Variants in TBL1X observed in about 807,000 individuals in gnomAD.
TBL1X encodes F-box-like/WD repeat-containing protein TBL1X.
TBL1X carries 10 observed loss-of-function variants against 50.7 expected under a neutral mutation model. That is an observed-to-expected ratio of 0.20 (90% CI 0.12 to 0.33). The LOEUF (loss-of-function observed/expected upper bound fraction) is 0.33, where lower values mean the gene tolerates loss of function less well. Among genes scored for constraint, TBL1X ranks in the 10% least tolerant of loss-of-function variants. The pLI is 1.00. For missense variants in TBL1X, 340 were observed against 504.4 expected (o/e 0.67, Z 3.12); for synonymous variants, 190 against 214.7 (o/e 0.88, Z 1.01).
intron 2 of TBL1X, among the ~76,000 whole-genome samples, chrX:9,597,173 A>G (rs1190581744): frequency 3.6e-5 from 4 of 111,874 alleles, no homozygotes; most frequent in South Asian, 3.8e-4. Context: ...ATAAAGTTCA[A>G]CAACCACAGG....
At chrX:9,521,229 C>T (rs1391220407) in intron 2 of TBL1X, among the ~76,000 whole-genome samples, 1 of 111,469 alleles carries the variant, frequency 9.0e-6, no homozygotes, top group Admixed American at 9.5e-5. Context: ...AGGTCGTAAA[C>T]GTGGAACCTT....
chrX:9,640,652 CAG>C (rs1452533427), intron 3 of TBL1X, among the ~76,000 whole-genome samples: 5 of 110,984 alleles, frequency 4.5e-5, no homozygotes, highest in African/African-American at 1.6e-4. Context: ...TGTTTTGAGA[CAG>C]AGTCTTTGCT....
At chrX:9,619,155 G>T (rs752997134) in intron 2 of TBL1X, among the ~76,000 whole-genome samples, 2 of 112,517 alleles carry the variant, frequency 1.8e-5, no homozygotes, top group South Asian at 3.7e-4. Context: ...AAACAGATAA[G>T]CATCATACAA....
rs749126122 is a variant in TBL1X, at chrX:9,516,502, C to T, written c.-131+14653C>T. Among the ~76,000 whole-genome samples the T allele has an allele frequency of 4.5e-5, 5 of 112,272 alleles. No homozygotes were observed. The East Asian group carries it at 1.1e-3, about 25-fold the overall frequency. ...AGGCACACTGGCCAAGCATCAGCTC[C>T]TCAAGCATCCATCTCACTATTCAGG... On this transcript the variant is annotated intron_variant, in intron 2 of 17. Coordinates refer to ENST00000645353, the MANE Select transcript of TBL1X (RefSeq NM_005647.4).
intron 2 of TBL1X, among the ~76,000 whole-genome samples, chrX:9,517,131 C>A (rs1015349439): frequency 2.7e-5 from 3 of 110,966 alleles, no homozygotes; most frequent in African/African-American, 9.8e-5. Flanking sequence ...CAGATAGGGC[C>A]GGAGACAAGG....
intron 2 of TBL1X, among the ~76,000 whole-genome samples, chrX:9,579,899 G>T (rs1290834797): frequency 8.9e-6 from 1 of 111,751 alleles, no homozygotes; most frequent in African/African-American, 3.3e-5. Context: ...GAATCTTTCA[G>T]TGGGTTCATA....
chrX:9,672,716 A>G (rs1376570689), intron 5 of TBL1X, among the ~76,000 whole-genome samples: 2 of 111,212 alleles, frequency 1.8e-5, no homozygotes, highest in South Asian at 3.8e-4. Flanking sequence ...ATTGCCATCC[A>G]TACTGATATT....
intron 2 of TBL1X, among the ~76,000 whole-genome samples, chrX:9,601,858 A>G (rs951201220): frequency 1.8e-5 from 2 of 111,899 alleles, no homozygotes; most frequent in African/African-American, 6.5e-5. Context: ...CCTGGCCAAC[A>G]TGGCGAAACC....
At chrX:9,581,445 G>A (rs934971711) in intron 2 of TBL1X, among the ~76,000 whole-genome samples, 6 of 111,527 alleles carry the variant, frequency 5.4e-5, no homozygotes, top group Non-Finnish European at 9.4e-5. Context: ...AGCTTTCTAG[G>A]GCTCTGATGC....
chrX:9,533,009 C>T (rs1457563826), intron 2 of TBL1X, among the ~76,000 whole-genome samples: 9 of 111,407 alleles, frequency 8.1e-5, no homozygotes. Context: ...GACTGCTAGC[C>T]AGCACAGGGT....
Position 9,684,101 on chromosome X carries a change from C to T in TBL1X, c.270C>T (p.Ile90=), listed in dbSNP as rs374505293. The T allele has an allele frequency of 8.3e-7, 1 of 1,211,593 alleles. No individual in the cohort carries two copies. The change falls in exon 6 of 18, where the codon ATC becomes ATT. Residue 90 remains isoleucine, a synonymous_variant. Transcript: ENST00000645353. The stretch of plus-strand genomic sequence containing the variant: ...AGAGCCACATCAGCCAGTCCAACAT[C>T]AATGGGACGCTAGTGCCACCGGCCG... ...GIESHISQSN[I]NGTLVPPAAL... is the part of the protein sequence containing the mutation.
At chrX:9,634,456 C>A (rs2082736342) in intron 2 of TBL1X, among the ~76,000 whole-genome samples, 1 of 111,392 alleles carries the variant, frequency 9.0e-6, no homozygotes, top group African/African-American at 3.3e-5. Context: ...TTATTTAATC[C>A]AAGCTCAAAG....
intron 5 of TBL1X, among the ~76,000 whole-genome samples, chrX:9,656,239 C>A (rs1437209616): frequency 8.9e-6 from 1 of 112,361 alleles, no homozygotes; most frequent in Non-Finnish European, 1.9e-5. Context: ...ATGTACCAAA[C>A]CCTGCTTCCC....
At position 9,688,157 on chromosome X, in the gene TBL1X, T is replaced by C. The variant is rs369487407; in HGVS notation, c.498T>C (p.Ala166=). Residue 166 remains alanine (A), a synonymous_variant, in exon 7 of 18, where the codon GCT becomes GCC. Transcript: ENST00000645353. ...QQQASAAAAA[A]AATAAATAAT... ...AAGCCAGTGCGGCGGCGGCGGCGGCTGCGGCCACGGCAGCAGCGACAGCAG... is the reference window on the plus strand; with the variant it reads ...AAGCCAGTGCGGCGGCGGCGGCGGCCGCGGCCACGGCAGCAGCGACAGCAG... 8.4e-7 allele frequency: 1 copy of C among 1,197,164 alleles called. No individual in the cohort carries two copies. Among genetic ancestry groups the C allele is most frequent in the East Asian group, 3.0e-5 (1 of 32,889 alleles).
At chrX:9,570,974 G>T (rs1353820476) in intron 2 of TBL1X, among the ~76,000 whole-genome samples, 1 of 112,097 alleles carries the variant, frequency 8.9e-6, no homozygotes, top group Non-Finnish European at 1.9e-5. Context: ...ACCGCGCCCG[G>T]CCCAAAGTGA....
At chrX:9,602,723 T>G (rs1308360242) in intron 2 of TBL1X, among the ~76,000 whole-genome samples, 1 of 112,554 alleles carries the variant, frequency 8.9e-6, no homozygotes, top group African/African-American at 3.2e-5. Context: ...CTCTATCTTT[T>G]GCCCATATCC....
chrX:9,653,788 A>G, intron 4 of TBL1X, 99 bp downstream of exon 4: 2 of 790,314 alleles, frequency 2.5e-6, no homozygotes, highest in Non-Finnish European at 3.6e-6. Context: ...GTGTCCAGAA[A>G]AGTGCTCAGT....
chrX:9,593,980 G>A (rs774837379), intron 2 of TBL1X, among the ~76,000 whole-genome samples: 5 of 112,261 alleles, frequency 4.5e-5, no homozygotes, highest in Non-Finnish European at 9.4e-5. Flanking sequence ...ACCAGCCCTT[G>A]CGCTGCACTG....
At chrX:9,607,793 TTTTA>T (rs762476088) in intron 2 of TBL1X, among the ~76,000 whole-genome samples, 11 of 110,834 alleles carry the variant, frequency 9.9e-5, no homozygotes, top group Admixed American at 7.7e-4. Context: ...TCTTTGTTCC[TTTTA>T]TTTTTTTAAG....
Sources: allele counts gnomAD v4.1 joint callset (sites outside exome capture counted in the v4.1 genomes callset), GRCh38; gene constraint gnomAD v4.1.1; transcripts MANE v1.5; gene names NCBI Gene and HGNC (gene_info 2026-07-23, HGNC 2026-07-21).